The following BCHE variants were observed in gnomAD, a reference collection of about 807,000 sequenced individuals.
The protein encoded by BCHE is cholinesterase.
In BCHE, 48 loss-of-function variants were observed where a neutral mutation model predicts 51.3. That is an observed-to-expected ratio of 0.94 (90% confidence interval 0.74 to 1.19). BCHE has a LOEUF of 1.19. BCHE is among the 50% of genes most tolerant of loss of function. BCHE has a pLI of 0.00. For synonymous variants in BCHE, 251 were observed against 238.0 expected (o/e 1.05, Z -0.50); for missense variants, 847 against 708.2 (o/e 1.20, Z -2.23).
At chr3:165,827,396 T>C (rs532061687) in intron 2 of BCHE, among the ~76,000 whole-genome samples, 2 of 151,728 alleles carry the variant, frequency 1.3e-5, no homozygotes, top group Admixed American at 1.3e-4. Context: ...TGTCAATTTT[T>C]ATTTATTTCC....
intron 3 of BCHE, among the ~76,000 whole-genome samples, chr3:165,781,589 C>G (rs574433850): frequency 6.2e-5 from 9 of 146,172 alleles, no homozygotes; most frequent in Non-Finnish European, 1.0e-4. Context: ...TGGGGCCAGT[C>G]GGGGGTGGAG....
intron 3 of BCHE, among the ~76,000 whole-genome samples, chr3:165,774,994 C>G (rs1712408040): frequency 6.6e-6 from 1 of 151,982 alleles, no homozygotes; most frequent in Non-Finnish European, 1.5e-5. Context: ...CTGTGGTTTT[C>G]TTTTTAAACT....
At chr3:165,823,404 T>G (rs1429679800) in intron 2 of BCHE, among the ~76,000 whole-genome samples, 5 of 152,064 alleles carry the variant, frequency 3.3e-5, no homozygotes, top group Non-Finnish European at 7.4e-5. Context: ...AGATTAGCCT[T>G]CTCATCATAA....
intron 3 of BCHE, among the ~76,000 whole-genome samples, chr3:165,777,483 G>A (rs187365118): frequency 1.1e-4 from 16 of 151,918 alleles, no homozygotes; most frequent in African/African-American, 3.4e-4. Flanking sequence ...TCAAGATTTC[G>A]AATGATCAAA....
At chr3:165,776,512 G>C (rs1368133462) in intron 3 of BCHE, among the ~76,000 whole-genome samples, 1 of 151,906 alleles carries the variant, frequency 6.6e-6, no homozygotes, top group Non-Finnish European at 1.5e-5. Context: ...TTCTGAATGA[G>C]AGAAGAAAAG....
chr3:165,819,894 G>C (rs1360843958), intron 2 of BCHE, among the ~76,000 whole-genome samples: 2 of 152,026 alleles, frequency 1.3e-5, no homozygotes, highest in Admixed American at 1.3e-4. Flanking sequence ...CATTACATCT[G>C]TGTGTACATT....
At chr3:165,775,034 T>TA (rs768029695) in intron 3 of BCHE, among the ~76,000 whole-genome samples, 1 of 152,148 alleles carries the variant, frequency 6.6e-6, no homozygotes, top group Non-Finnish European at 1.5e-5. Context: ...GTCATTAAAC[T>TA]AACAAAAAAT....
chr3:165,781,625 C>T (rs1006883247), intron 3 of BCHE, among the ~76,000 whole-genome samples: 1 of 152,026 alleles, frequency 6.6e-6, no homozygotes, highest in Non-Finnish European at 1.5e-5. Context: ...AGCATTAGGA[C>T]ATATAGCTAG....
intron 2 of BCHE, among the ~76,000 whole-genome samples, chr3:165,807,408 T>C (rs1266226728): frequency 6.6e-6 from 1 of 151,976 alleles, no homozygotes; most frequent in Non-Finnish European, 1.5e-5. Context: ...AATACTTTAA[T>C]ATACCTAAAA....
intron 3 of BCHE, among the ~76,000 whole-genome samples, chr3:165,780,044 G>T (rs1387617252): frequency 6.6e-6 from 1 of 152,072 alleles, no homozygotes; most frequent in African/African-American, 2.4e-5. Flanking sequence ...AAACAGCATG[G>T]TATTACTACC....
chr3:165,807,492 T>C (rs1423510176), intron 2 of BCHE, among the ~76,000 whole-genome samples: 2 of 151,734 alleles, frequency 1.3e-5, no homozygotes, highest in Admixed American at 1.3e-4. Context: ...ATGATTGAGA[T>C]AAAGATAAAG....
At chr3:165,792,444 C>A in intron 2 of BCHE, among the ~76,000 whole-genome samples, 1 of 152,170 alleles carries the variant, frequency 6.6e-6, no homozygotes, top group East Asian at 1.9e-4. Flanking sequence ...ATGAGAAATA[C>A]TTGAGGGCTG....
intron 2 of BCHE, among the ~76,000 whole-genome samples, chr3:165,811,293 G>A (rs771493300): frequency 5.3e-5 from 8 of 152,030 alleles, no homozygotes; most frequent in Non-Finnish European, 1.0e-4. Context: ...ATATGCAGGT[G>A]CATGTTTAAG....
intron 2 of BCHE, among the ~76,000 whole-genome samples, chr3:165,786,786 T>C (rs985749830): frequency 2.0e-5 from 3 of 151,790 alleles, no homozygotes; most frequent in Non-Finnish European, 4.4e-5. Context: ...AATCTTATTA[T>C]GTAATAATCT....
chr3:165,826,250 G>T (rs879284800), intron 2 of BCHE, among the ~76,000 whole-genome samples: 6 of 152,048 alleles, frequency 3.9e-5, no homozygotes, highest in Admixed American at 1.3e-4. Flanking sequence ...AGGAAACAAC[G>T]TATGAGTGAA....
chr3:165,779,654 T>A (rs1712607282), intron 3 of BCHE, among the ~76,000 whole-genome samples: 1 of 151,952 alleles, frequency 6.6e-6, no homozygotes, highest in Admixed American at 6.6e-5. Flanking sequence ...ATGAATGAAC[T>A]CCATTCACAA....
chr3:165,820,678 T>C (rs907289649), intron 2 of BCHE, among the ~76,000 whole-genome samples: 4 of 151,938 alleles, frequency 2.6e-5, no homozygotes, highest in African/African-American at 9.7e-5. Flanking sequence ...CTATTATCTG[T>C]CGGAAAATCT....
At chr3:165,787,001 T>C (rs1451924475) in intron 2 of BCHE, among the ~76,000 whole-genome samples, 3 of 151,732 alleles carry the variant, frequency 2.0e-5, no homozygotes, top group East Asian at 3.9e-4. Context: ...TTAGATAGAG[T>C]TCCCCAGTAA....
chr3:165,818,303 C>T (rs1391007282), intron 2 of BCHE, among the ~76,000 whole-genome samples: 1 of 151,840 alleles, frequency 6.6e-6, no homozygotes, highest in East Asian at 1.9e-4. Flanking sequence ...ACCTAGTACA[C>T]TGAGAATGGT....
Sources: allele counts gnomAD v4.1 joint callset (sites outside exome capture counted in the v4.1 genomes callset), GRCh38; gene constraint gnomAD v4.1.1; transcripts MANE v1.5; gene names NCBI Gene and HGNC (gene_info 2026-07-23, HGNC 2026-07-21).